CCDC171: variants seen among roughly 807,000 people sequenced by gnomAD.
CCDC171 encodes the protein coiled-coil domain containing 171, also known as coiled-coil domain-containing protein 171.
Under a neutral mutation model 168.2 loss-of-function variants are expected in CCDC171, and 177 were observed. That is an observed-to-expected ratio of 1.05 (90% CI 0.93 to 1.19). CCDC171 has a LOEUF of 1.19. CCDC171 is among the 50% of genes most tolerant of loss of function. CCDC171 has a pLI of 0.00. For missense variants in CCDC171, 1,991 were observed against 1,539.0 expected, an observed-to-expected ratio of 1.29 and a Z score of -4.91; for synonymous variants, 687 against 540.8, an observed-to-expected ratio of 1.27 and a Z score of -3.75.
At chr9:15,678,409 T>C (rs1377197811) in intron 9 of CCDC171, among the ~76,000 whole-genome samples, 1 of 152,148 alleles carries the variant, frequency 6.6e-6, no homozygotes, top group African/African-American at 2.4e-5. Context: ...AGTTGTTTGG[T>C]ACTACTGTTT....
chr9:15,802,468 T>G (rs541371018), intron 21 of CCDC171, among the ~76,000 whole-genome samples: 1 of 152,252 alleles, frequency 6.6e-6, no homozygotes, highest in East Asian at 1.9e-4. Flanking sequence ...TGTCCATGTG[T>G]TCTCATTTAG....
chr9:15,984,454 GTTTATATGTATGTATA>G (rs1831918654), intron 3 of CCDC171, among the ~76,000 whole-genome samples: 1 of 41,822 alleles, frequency 2.4e-5, no homozygotes, highest in Non-Finnish European at 4.6e-5. Flanking sequence ...ATATATATAT[GTTTATATGTATGTATA>G]TACATATATA....
chr9:15,565,414 C>CCT (rs2039652974), intron 2 of CCDC171, among the ~76,000 whole-genome samples: 1 of 152,062 alleles, frequency 6.6e-6, no homozygotes, highest in Non-Finnish European at 1.5e-5. Context: ...GAACTCCTGG[C>CCT]CTCAGGCAAT....
rs552122369 is a variant in CCDC171 at position 15,718,501 on chromosome 9, G to T, written c.1319-3268G>T. Among the ~76,000 whole-genome samples the T allele has an allele frequency of 5.9e-5, 9 of 152,332 alleles. No homozygotes were observed. The South Asian group carries it at 1.9e-3, about 32-fold the overall frequency. On this transcript the variant is annotated intron_variant, in intron 11 of 25. Transcript: ENST00000380701. ...AAACATAGGCAGTCGCCAGTTAATGGTTACAGCAGGTCTTGGGTGATACTC... is the reference window on the plus strand; with the variant it reads ...AAACATAGGCAGTCGCCAGTTAATGTTTACAGCAGGTCTTGGGTGATACTC...
At chr9:15,885,715 C>G in intron 24 of CCDC171, 1 of 152,144 alleles carries the variant, frequency 6.6e-6, no homozygotes, top group South Asian at 2.1e-4. Flanking sequence ...CAAATTGATG[C>G]CGCTTATATA....
chr9:15,764,220 G>T (rs1364672133), intron 18 of CCDC171, among the ~76,000 whole-genome samples: 1 of 152,220 alleles, frequency 6.6e-6, no homozygotes. Context: ...GTAAACTATG[G>T]TAAGAACTTT....
chr9:15,982,469 G>C (rs369889426), intron 3 of CCDC171, among the ~76,000 whole-genome samples: 11 of 152,092 alleles, frequency 7.2e-5, no homozygotes, highest in African/African-American at 2.2e-4. Context: ...TTACTGTCTC[G>C]GATGGAGTAG....
At chr9:15,826,805 C>G (rs1465130179) in intron 21 of CCDC171, among the ~76,000 whole-genome samples, 1 of 152,286 alleles carries the variant, frequency 6.6e-6, no homozygotes, top group East Asian at 1.9e-4. Context: ...TGCTCTATTT[C>G]CTGATCCATG....
intron 3 of CCDC171, among the ~76,000 whole-genome samples, chr9:15,573,561 C>T (rs1049994599): frequency 1.8e-4 from 27 of 151,808 alleles, no homozygotes; most frequent in African/African-American, 4.3e-4. Context: ...GGATTACAGG[C>T]GTGAGCCACT....
rs574295721 is a variant in CCDC171 at position 15,696,569 on chromosome 9, C to G, written c.1318+1232C>G. Among the ~76,000 whole-genome samples the G allele has an allele frequency of 9.4e-4, 143 of 152,168 alleles. 1 individual carries two copies. The Middle Eastern group carries it at 0.014, about 14-fold the overall frequency. On this transcript the variant is annotated intron_variant, in intron 11 of 25. Transcript: ENST00000380701. ...GAGAAAATTTTCCTTTGCACTGGTA[C>G]TTTTTTATTATTGAGATGTATCAGT...
At chr9:15,866,607 G>T (rs1280662103) in intron 23 of CCDC171, among the ~76,000 whole-genome samples, 1 of 152,004 alleles carries the variant, frequency 6.6e-6, no homozygotes, top group Non-Finnish European at 1.5e-5. Context: ...AGGTAATGTG[G>T]AATGATCAGC....
intron 8 of CCDC171, among the ~76,000 whole-genome samples, chr9:15,660,293 T>G (rs1175354051): frequency 6.6e-6 from 1 of 152,194 alleles, no homozygotes; most frequent in East Asian, 1.9e-4. Flanking sequence ...GTTTTCTTTT[T>G]CTTTTCTTTT....
At chr9:15,712,615 A>G (rs2052754151) in intron 11 of CCDC171, among the ~76,000 whole-genome samples, 1 of 152,232 alleles carries the variant, frequency 6.6e-6, no homozygotes, top group Non-Finnish European at 1.5e-5. Flanking sequence ...GAAAATCCGT[A>G]TTCAGAGTAA....
intron 7 of CCDC171, among the ~76,000 whole-genome samples, chr9:15,627,339 T>A (rs2045235216): frequency 6.6e-6 from 1 of 152,188 alleles, no homozygotes; most frequent in Non-Finnish European, 1.5e-5. Flanking sequence ...CTGTTCTTAA[T>A]TTTTTCTTGC....
At chr9:15,678,714 G>A (rs1376205742) in intron 9 of CCDC171, 44 bp from the exon 10 acceptor site, 1 of 1,524,216 alleles carries the variant, frequency 6.6e-7, no homozygotes, top group South Asian at 1.3e-5. Context: ...ATCAGTTGAT[G>A]TAAGCATGTT....
intron 6 of CCDC171, among the ~76,000 whole-genome samples, chr9:16,030,296 T>C (rs952105836): frequency 6.6e-6 from 1 of 152,166 alleles, no homozygotes; most frequent in Non-Finnish European, 1.5e-5. Context: ...TCAGTCTTTT[T>C]ATTTTCCCGT....
At position 15,744,481 on chromosome 9, in the gene CCDC171, A is replaced by T. The variant is rs765850826; in HGVS notation, c.2258A>T (p.Asp753Val). The T allele has an allele frequency of 6.2e-7, 1 of 1,614,126 alleles. No individual in the cohort carries two copies. The highest frequency in any genetic ancestry group is 8.5e-7 in the Non-Finnish European group (1 of 1,180,016). ...TCATGCGCCTTGTCTACACAGAGAG[A>T]TTTTCTCCAGGAGCAGGTCAACACC... is the stretch of plus-strand genomic sequence containing the variant. ...SRSCALSTQR[D>V]FLQEQVNTFE... The change falls in exon 17 of 26, where the codon GAT becomes GTT. Residue 753 changes from aspartate (D) to valine (V), a missense_variant. By Grantham distance (152) the Asp-to-Val change is radical. Coordinates refer to ENST00000380701, the MANE Select transcript of CCDC171 (RefSeq NM_173550.4).
intron 6 of CCDC171, among the ~76,000 whole-genome samples, chr9:15,622,992 G>T (rs1026419117): frequency 6.6e-6 from 1 of 152,110 alleles, no homozygotes; most frequent in Non-Finnish European, 1.5e-5. Flanking sequence ...ACCTTCAGAG[G>T]TCAGTTAAAC....
rs549105903 is a variant in CCDC171, at chr9:16,026,890, A to G, written n.998+3982A>G. On this transcript the variant is annotated intron_variant and non_coding_transcript_variant, in intron 6 of 9. Coordinates refer to the CCDC171 transcript ENST00000486641. ...TGGTAAATATGTATTATATTAATAT[A>G]TTGTCACTTTAGATTTCCCCAGTTA... Among the ~76,000 whole-genome samples the G allele has an allele frequency of 3.4e-4, 52 of 152,336 alleles. No individual in the cohort carries two copies. In the South Asian group the frequency reaches 0.01, roughly 30 times the overall value.
Sources: gnomAD v4.1 joint callset for allele counts (sites outside exome capture counted in the v4.1 genomes callset) on GRCh38, gnomAD v4.1.1 for gene constraint, MANE v1.5 for transcripts, NCBI Gene and HGNC (gene_info 2026-07-23, HGNC 2026-07-21) for gene names.